P4HA3: variants seen among roughly 807,000 people sequenced by gnomAD.
P4HA3 encodes the protein prolyl 4-hydroxylase subunit alpha 3.
A neutral mutation model predicts 66.7 loss-of-function variants in P4HA3; 60 were observed. That is an observed-to-expected ratio of 0.90 (90% CI 0.73 to 1.12). The LOEUF (loss-of-function observed/expected upper bound fraction) is 1.12. P4HA3 is among the 50% of genes most tolerant of loss of function. The pLI, the probability that P4HA3 is intolerant of heterozygous loss-of-function variation, is 0.00. For missense variants in P4HA3, 683 were observed against 685.8 expected (o/e 1.00, Z 0.05); for synonymous variants, 263 against 274.6 (o/e 0.96, Z 0.42).
At chr11:74,310,589 C>T (rs1302450322) in intron 1 of P4HA3, among the ~76,000 whole-genome samples, 1 of 152,206 alleles carries the variant, frequency 6.6e-6, no homozygotes, top group Admixed American at 6.5e-5. Flanking sequence ...GTGCTACAGA[C>T]CCAAACTCCT....
downstream of P4HA3, among the ~76,000 whole-genome samples, chr11:74,266,494 A>T (rs1032297829): frequency 5.9e-5 from 9 of 152,218 alleles, no homozygotes; most frequent in African/African-American, 2.2e-4. Context: ...TGTACTGAGC[A>T]TGTACAGAAT....
chr11:74,264,602 C>T (rs1003420738), downstream of P4HA3, among the ~76,000 whole-genome samples: 10 of 152,172 alleles, frequency 6.6e-5, no homozygotes, highest in Admixed American at 1.3e-4. Context: ...GTGCCAGCAA[C>T]GGCCTGGCAC....
chr11:74,276,852 T>C, intron 9 of P4HA3, 133 bp downstream of exon 9: 1 of 1,032,732 alleles, frequency 9.7e-7, no homozygotes, highest in Non-Finnish European at 1.4e-6. Flanking sequence ...CTTTCAGATA[T>C]TTCTGGAAAA....
At chr11:74,281,962 G>C (rs896382499) in intron 7 of P4HA3, among the ~76,000 whole-genome samples, 2 of 150,816 alleles carry the variant, frequency 1.3e-5, no homozygotes, top group Non-Finnish European at 2.9e-5. Context: ...ATGTGCTTGC[G>C]AGTTCCTCTC....
rs374767136 is a variant in P4HA3, at chr11:74,273,641, T to C, written c.1336-34A>G. Reference sequence around the variant, plus strand: ...AAAAAAAACAGAACATATTATTTTATGCAGATGGCACCAGAGGGACAGGCA... The same window carrying C: ...AAAAAAAACAGAACATATTATTTTACGCAGATGGCACCAGAGGGACAGGCA... On this transcript the variant is annotated intron_variant, in intron 9 of 12. Coordinates refer to ENST00000331597, the MANE Select transcript of P4HA3 (RefSeq NM_182904.5). 7.3e-5 allele frequency: 111 copies of C among 1,510,462 alleles called. 1 individual carries two copies. In the African/African-American group the frequency reaches 1.5e-3, roughly 20 times the overall value. 93.6% of individuals were successfully genotyped at this position (1,510,462 alleles called of 1,614,324 possible).
intron 3 of P4HA3, among the ~76,000 whole-genome samples, chr11:74,299,668 A>G (rs1240915128): frequency 4.9e-5 from 3 of 61,246 alleles, no homozygotes; most frequent in South Asian, 9.6e-4. Context: ...TATTTTCAAG[A>G]AAAAAAAAAA....
chr11:74,264,466 G>C (rs1313210520), downstream of P4HA3, among the ~76,000 whole-genome samples: 2 of 152,130 alleles, frequency 1.3e-5, no homozygotes. Flanking sequence ...ACTTCCAGGG[G>C]TGAGGGGAGC....
Position 74,305,070 on chromosome 11 carries a change from C to G in P4HA3, c.201-658G>C, listed in dbSNP as rs116326829. On this transcript the variant is annotated intron_variant, in intron 1 of 12. Coordinates refer to ENST00000331597, the MANE Select transcript of P4HA3 (RefSeq NM_182904.5). ...GGTGGAGCTCAAAGAGTAATGCTCCCTTGCCCACCACTCACCTCCTGCTGG... is the reference window on the plus strand; with the variant it reads ...GGTGGAGCTCAAAGAGTAATGCTCCGTTGCCCACCACTCACCTCCTGCTGG... 1.5e-3 allele frequency among the ~76,000 whole-genome samples: 232 copies of G among 152,142 alleles called. 2 individuals carry two copies. The highest frequency in any genetic ancestry group is 5.3e-3 in the African/African-American group (220 of 41,522).
intron 5 of P4HA3, chr11:74,287,028 G>A (rs538213373): frequency 7.3e-5 from 73 of 993,988 alleles, no homozygotes; most frequent in South Asian, 6.9e-4. Context: ...GAAGTATGGC[G>A]CAGAGGGACT....
intron 4 of P4HA3, among the ~76,000 whole-genome samples, chr11:74,294,956 C>G (rs1054533230): frequency 2.6e-5 from 4 of 152,240 alleles, no homozygotes; most frequent in Admixed American, 6.5e-5. Flanking sequence ...GGAAGAACCA[C>G]TACTCTCTTC....
At chr11:74,272,355 C>T (rs1456996727) in intron 10 of P4HA3, among the ~76,000 whole-genome samples, 1 of 152,108 alleles carries the variant, frequency 6.6e-6, no homozygotes, top group African/African-American at 2.4e-5. Flanking sequence ...GGATAAAGAA[C>T]AGAGATATAT....
intron 5 of P4HA3, 44 bp downstream of exon 5, chr11:74,289,035 G>T: frequency 1.4e-6 from 2 of 1,404,316 alleles, no homozygotes; most frequent in Non-Finnish European, 1.9e-6. Context: ...GGAGTTCCCC[G>T]TAAATCAGAC....
In P4HA3 at chr11:74,297,282, C is replaced by T. The variant is rs1344076541; in HGVS notation, c.717+930G>A. 5.3e-5 allele frequency among the ~76,000 whole-genome samples: 8 copies of T among 152,082 alleles called. No individual in the cohort carries two copies. The East Asian group carries it at 9.6e-4, about 18-fold the overall frequency. On this transcript the variant is annotated intron_variant, in intron 4 of 12. Coordinates refer to ENST00000331597, the MANE Select transcript of P4HA3 (RefSeq NM_182904.5). The stretch of plus-strand genomic sequence containing the variant: ...ACATACACAGTTTTACAACAAAGAT[C>T]CATTCGCCAGGAACTTCCATGAAAG...
intron 4 of P4HA3, among the ~76,000 whole-genome samples, chr11:74,289,869 G>T (rs570717932): frequency 9.5e-4 from 144 of 152,254 alleles, no homozygotes; most frequent in African/African-American, 3.3e-3. Context: ...TTGGTTCCAA[G>T]TCTTTGCTAT....
rs536904369 is a variant in P4HA3 at position 74,250,777 on chromosome 11, G to T, written c.*1319-2776C>A. 9 of 587,936 alleles carry T rather than the reference G, an allele frequency of 1.5e-5. No individual in the cohort carries two copies. The Admixed American group carries it at 1.7e-4, about 11-fold the overall frequency. 36.4% of individuals were successfully genotyped at this position (587,936 alleles called of 1,614,324 possible). ...GAAAAAGTGAAGGGAAATGATTGGC[G>T]CAAGGTTACAATTACTTGTATTACC... On this transcript the variant is annotated intron_variant and NMD_transcript_variant, in intron 15 of 15. Transcript: ENST00000524388.
downstream of P4HA3, among the ~76,000 whole-genome samples, chr11:74,265,368 G>GTAT (rs1859974062): frequency 6.6e-6 from 1 of 152,278 alleles, no homozygotes; most frequent in African/African-American, 2.4e-5. Flanking sequence ...AGGAAGCTGG[G>GTAT]TATTAGAACA....
downstream of P4HA3, among the ~76,000 whole-genome samples, chr11:74,265,018 C>T (rs1859967932): frequency 6.6e-6 from 1 of 152,210 alleles, no homozygotes; most frequent in Non-Finnish European, 1.5e-5. Context: ...TGACTTAACT[C>T]TATAAAACTG....
At chr11:74,271,985 C>T (rs1860217762) in intron 10 of P4HA3, among the ~76,000 whole-genome samples, 2 of 152,086 alleles carry the variant, frequency 1.3e-5, no homozygotes, top group African/African-American at 4.8e-5. Flanking sequence ...TCCCTCCTTA[C>T]ATTATCTCAT....
chr11:74,273,433 G>C (rs755644738), intron 10 of P4HA3, 112 bp downstream of exon 10: 4 of 984,470 alleles, frequency 4.1e-6, no homozygotes, highest in Non-Finnish European at 4.1e-6. Flanking sequence ...AATTCCTGGA[G>C]ATTTTTGCGC....
Sources: allele counts gnomAD v4.1 joint callset (sites outside exome capture counted in the v4.1 genomes callset), GRCh38; gene constraint gnomAD v4.1.1; transcripts MANE v1.5; gene names NCBI Gene and HGNC (gene_info 2026-07-23, HGNC 2026-07-21).